Variants in PDZRN4 observed in about 807,000 individuals in gnomAD.
The protein encoded by PDZRN4 is PDZ domain containing ring finger 4.
A neutral mutation model predicts 99.0 loss-of-function variants in PDZRN4; 70 were observed. The ratio of observed to expected loss-of-function variants is 0.71; its 90% confidence interval spans 0.58 to 0.86. The LOEUF (loss-of-function observed/expected upper bound fraction) is 0.86, where lower values mean the gene tolerates loss of function less well. Ranked by LOEUF, PDZRN4 falls within the 40% of genes least tolerant of loss-of-function variation. The pLI is 0.00. For missense variants in PDZRN4, 1,474 were observed against 1,331.2 expected, an observed-to-expected ratio of 1.11 and a Z score of -1.67; for synonymous variants, 551 against 501.6, an observed-to-expected ratio of 1.10 and a Z score of -1.32.
intron 3 of PDZRN4, among the ~76,000 whole-genome samples, chr12:41,318,068 G>T (rs1375615470): frequency 6.6e-6 from 1 of 152,018 alleles, no homozygotes; most frequent in East Asian, 1.9e-4. Context: ...TACTTTTCAT[G>T]AAATTGCTTA....
chr12:41,273,256 T>C (rs951767197), intron 3 of PDZRN4, among the ~76,000 whole-genome samples: 1 of 152,000 alleles, frequency 6.6e-6, no homozygotes, highest in Non-Finnish European at 1.5e-5. Context: ...GAAATAGACA[T>C]AGAAGGAAAG....
intron 3 of PDZRN4, among the ~76,000 whole-genome samples, chr12:41,495,512 C>T (rs1207448145): frequency 1.3e-5 from 2 of 151,994 alleles, no homozygotes; most frequent in Admixed American, 1.3e-4. Context: ...CTCTCTTCAT[C>T]CTCCTCCAAC....
At chr12:41,317,981 C>T (rs1054289082) in intron 3 of PDZRN4, among the ~76,000 whole-genome samples, 1 of 152,022 alleles carries the variant, frequency 6.6e-6, no homozygotes, top group African/African-American at 2.4e-5. Flanking sequence ...TTTTGATGTT[C>T]CCCATGGAGG....
At chr12:41,451,923 G>A (rs555998814) in intron 3 of PDZRN4, among the ~76,000 whole-genome samples, 1 of 152,202 alleles carries the variant, frequency 6.6e-6, no homozygotes, top group East Asian at 1.9e-4. Context: ...AGTTTGCTTT[G>A]GCAGCTTTGA....
chr12:41,482,427 G>A (rs1009070515), intron 3 of PDZRN4, among the ~76,000 whole-genome samples: 1 of 152,114 alleles, frequency 6.6e-6, no homozygotes, highest in African/African-American at 2.4e-5. Flanking sequence ...AAGGAAGAGG[G>A]AAATAACTGT....
rs1342390305 is a variant in PDZRN4 at position 41,406,528 on chromosome 12, T to G, written c.844-99928T>G. 3.3e-5 allele frequency among the ~76,000 whole-genome samples: 5 copies of G among 152,122 alleles called. No homozygotes were observed. The East Asian group carries it at 9.7e-4, about 29-fold the overall frequency. On this transcript the variant is annotated intron_variant, in intron 3 of 9. Transcript: ENST00000402685. ...CTTATGACTTCTCATTATCAATCTG[T>G]TGAATGTGAACCCCAAATTGAGGAA...
intron 3 of PDZRN4, among the ~76,000 whole-genome samples, chr12:41,299,987 T>A (rs1951523447): frequency 6.6e-6 from 1 of 152,014 alleles, no homozygotes; most frequent in African/African-American, 2.4e-5. Context: ...TGTTTATCTA[T>A]TTTGATCTCT....
chr12:41,223,402 C>A (rs1307136790), intron 3 of PDZRN4, among the ~76,000 whole-genome samples: 2 of 152,024 alleles, frequency 1.3e-5, no homozygotes, highest in Non-Finnish European at 2.9e-5. Context: ...TCCTTCTCTC[C>A]CCCTACCCAG....
At chr12:41,493,569 C>T (rs776032510) in intron 3 of PDZRN4, among the ~76,000 whole-genome samples, 13 of 152,150 alleles carry the variant, frequency 8.5e-5, no homozygotes, top group African/African-American at 2.6e-4. Context: ...CAGAAAGTGC[C>T]GCCCCAAATA....
At chr12:41,465,018 T>C (rs1952911230) in intron 3 of PDZRN4, among the ~76,000 whole-genome samples, 1 of 152,002 alleles carries the variant, frequency 6.6e-6, no homozygotes, top group African/African-American at 2.4e-5. Context: ...AGAGATGGGG[T>C]TTTGCCATAT....
chr12:41,338,054 C>A (rs1301990274), intron 3 of PDZRN4, among the ~76,000 whole-genome samples: 3 of 152,104 alleles, frequency 2.0e-5, no homozygotes, highest in African/African-American at 7.2e-5. Flanking sequence ...CCACTGTGCC[C>A]AACCCCTATG....
At chr12:41,215,207 G>A (rs541266604) in intron 3 of PDZRN4, among the ~76,000 whole-genome samples, 79 of 152,112 alleles carry the variant, frequency 5.2e-4, no homozygotes, top group African/African-American at 1.8e-3. Flanking sequence ...GGATATCTTG[G>A]TATTAAGGAA....
In PDZRN4 at chr12:41,188,764, C is replaced by G. The variant is rs1950711557; in HGVS notation, c.309C>G (p.His103Gln). Reference sequence around the variant, plus strand: ...ACGAGCTGGAGGCGCACGTCGAGCACTGCGACTTCGGCCCTGCCCGCCGGC... The same window carrying G: ...ACGAGCTGGAGGCGCACGTCGAGCAGTGCGACTTCGGCCCTGCCCGCCGGC... ...RLHELEAHVE[H>Q]CDFGPARRLR... is the part of the protein sequence containing the mutation. Residue 103 changes from histidine to glutamine, a missense_variant, in exon 1 of 10, where the codon CAC (histidine) becomes CAG (glutamine). Physicochemically the swap from His to Gln is conservative, Grantham distance 24. Transcript: ENST00000402685. 1 of 1,447,204 alleles carries G rather than the reference C, an allele frequency of 6.9e-7. No homozygotes were observed. Among genetic ancestry groups the G allele is most frequent in the Non-Finnish European group, 9.0e-7 (1 of 1,107,630 alleles). The allele number at this position is 1,447,204 out of a possible 1,614,324, so 89.6% of individuals were successfully genotyped here. A position where few individuals can be genotyped will look rare whatever the true frequency, so the allele number is the denominator to read the frequency against.
chr12:41,259,801 C>T (rs186725087), intron 3 of PDZRN4, among the ~76,000 whole-genome samples: 1 of 152,146 alleles, frequency 6.6e-6, no homozygotes, highest in African/African-American at 2.4e-5. Context: ...TAGTTTTAGC[C>T]CTCTCTTTTA....
At chr12:41,211,707 T>C (rs542621426) in intron 3 of PDZRN4, among the ~76,000 whole-genome samples, 1 of 152,146 alleles carries the variant, frequency 6.6e-6, no homozygotes, top group Non-Finnish European at 1.5e-5. Flanking sequence ...GAAGCCTTTA[T>C]GTATATAAAT....
At chr12:41,474,497 TG>T (rs1390458490) in intron 3 of PDZRN4, among the ~76,000 whole-genome samples, 1 of 152,234 alleles carries the variant, frequency 6.6e-6, no homozygotes. Context: ...TTTCCTGACT[TG>T]CTCAAAGTCT....
intron 7 of PDZRN4, among the ~76,000 whole-genome samples, chr12:41,563,144 G>A (rs1939302021): frequency 6.6e-6 from 1 of 152,154 alleles, no homozygotes; most frequent in Non-Finnish European, 1.5e-5. Context: ...TTGGCTCGCG[G>A]CAAGCGTGCA....
At chr12:41,221,420 C>G (rs1433851306) in intron 3 of PDZRN4, among the ~76,000 whole-genome samples, 1 of 152,084 alleles carries the variant, frequency 6.6e-6, no homozygotes, top group African/African-American at 2.4e-5. Flanking sequence ...AATCCATATC[C>G]TTACAGGCAA....
intron 3 of PDZRN4, among the ~76,000 whole-genome samples, chr12:41,332,913 C>T (rs963482407): frequency 3.9e-5 from 6 of 152,014 alleles, no homozygotes; most frequent in African/African-American, 4.8e-5. Flanking sequence ...ATTTCAAATG[C>T]CTTGCATGGA....
Sources: gnomAD v4.1 joint callset for allele counts (sites outside exome capture counted in the v4.1 genomes callset) on GRCh38, gnomAD v4.1.1 for gene constraint, MANE v1.5 for transcripts, NCBI Gene and HGNC (gene_info 2026-07-23, HGNC 2026-07-21) for gene names.